Variants in ARHGAP21 observed in about 807,000 individuals in gnomAD.
The protein encoded by ARHGAP21 is Rho GTPase activating protein 21.
Under a neutral mutation model 164.6 loss-of-function variants are expected in ARHGAP21, and 38 were observed. The ratio of observed to expected loss-of-function variants is 0.23; its 90% CI spans 0.18 to 0.30. The LOEUF is 0.30. Among genes scored for constraint, ARHGAP21 ranks in the 10% least tolerant of loss-of-function variants. The probability of loss-of-function intolerance (pLI) is 1.00; values close to 1 mark genes in which losing one functional copy is unlikely to be tolerated. For missense variants in ARHGAP21, 1,822 were observed against 2,370.7 expected, an observed-to-expected ratio of 0.77 and a Z score of 4.81; for synonymous variants, 766 against 857.9, an observed-to-expected ratio of 0.89 and a Z score of 1.87.
intron 2 of ARHGAP21, among the ~76,000 whole-genome samples, chr10:24,671,909 T>TTC (rs1840742925): frequency 7.0e-6 from 1 of 143,216 alleles, no homozygotes; most frequent in Non-Finnish European, 1.5e-5. Flanking sequence ...TTTTTTTTTT[T>TTC]TGTAGAGACA....
chr10:24,610,171 G>A lies in ARHGAP21; in HGVS notation c.2423-2268C>T, dbSNP rs528834124. 5.9e-5 allele frequency among the ~76,000 whole-genome samples: 9 copies of A among 152,304 alleles called. No homozygotes were observed. The South Asian group carries it at 1.9e-3, about 32-fold the overall frequency. On this transcript the variant is annotated intron_variant, in intron 9 of 25. Transcript: ENST00000396432. ...ACGGGTGGATCACCTGAGGTCAGGAGTTCGAGACCAGCCTGGCCAACATGG... is the reference window on the plus strand; with the variant it reads ...ACGGGTGGATCACCTGAGGTCAGGAATTCGAGACCAGCCTGGCCAACATGG...
chr10:24,711,612 C>T (rs1237425780), intron 2 of ARHGAP21, among the ~76,000 whole-genome samples: 1 of 152,084 alleles, frequency 6.6e-6, no homozygotes, highest in African/African-American at 2.4e-5. Flanking sequence ...TAAGTGCAGC[C>T]AGATAGCAAG....
chr10:24,620,413 A>G lies in ARHGAP21; in HGVS notation c.1482T>C (p.Arg494=). 1.2e-6 allele frequency: 2 copies of G among 1,612,116 alleles called. No individual in the cohort carries two copies. Residue 494 remains arginine, a synonymous_variant, in exon 9 of 26, where the codon CGT becomes CGC. Coordinates refer to ENST00000396432, the MANE Select transcript of ARHGAP21 (RefSeq NM_020824.4). ...PSVSFSNHRT[R]SWDYIEGQDE... is the part of the protein sequence containing the mutation. Reference sequence around the variant, plus strand: ...CCTGTCCCTCAATATAATCCCATGAACGAGTTCTATGATTACTAAAACTAA... The same window carrying G: ...CCTGTCCCTCAATATAATCCCATGAGCGAGTTCTATGATTACTAAAACTAA...
At chr10:24,600,954 TA>T in intron 13 of ARHGAP21, 24 bp from the exon 14 acceptor site, 1 of 1,599,348 alleles carries the variant, frequency 6.3e-7, no homozygotes, top group Non-Finnish European at 8.5e-7. Flanking sequence ...GACAGTTCTT[TA>T]ATAGTCAATA....
At position 24,619,555 on chromosome 10, in the gene ARHGAP21, C is replaced by T. The variant is rs376207627; in HGVS notation, c.2340G>A (p.Glu780=). The change falls in exon 9 of 26, where the codon GAG becomes GAA. Residue 780 remains glutamate (E), a synonymous_variant. Transcript: ENST00000396432. ...TCWLPNDARR[E]VHIKRMEERK... ...TTTCCTCCATTCTTTTTATGTGGACCTCTCGACGTGCATCATTGGGCAGCC... is the reference window on the plus strand; with the variant it reads ...TTTCCTCCATTCTTTTTATGTGGACTTCTCGACGTGCATCATTGGGCAGCC... 67 of 1,613,974 alleles carry T rather than the reference C, an allele frequency of 4.2e-5. No homozygotes were observed. The highest frequency in any genetic ancestry group is 5.3e-5 in the Non-Finnish European group (63 of 1,180,036).
At chr10:24,604,914 A>T (rs942799889) in intron 11 of ARHGAP21, among the ~76,000 whole-genome samples, 2 of 152,236 alleles carry the variant, frequency 1.3e-5, no homozygotes, top group Non-Finnish European at 2.9e-5. Context: ...TTAGAGCTTC[A>T]GGAGACAGGT....
At chr10:24,645,749 T>A (rs139387579) in intron 4 of ARHGAP21, among the ~76,000 whole-genome samples, 2 of 152,206 alleles carry the variant, frequency 1.3e-5, no homozygotes, top group African/African-American at 4.8e-5. Context: ...TGCCAGGAAC[T>A]GTTCTGGGCT....
chr10:24,658,467 G>A (rs979147362), intron 4 of ARHGAP21, among the ~76,000 whole-genome samples: 24 of 152,146 alleles, frequency 1.6e-4, no homozygotes, highest in African/African-American at 5.6e-4. Context: ...AAGAAAATGT[G>A]GCACATGTAC....
chr10:24,639,295 C>A (rs1288466595), intron 4 of ARHGAP21, among the ~76,000 whole-genome samples: 1 of 152,030 alleles, frequency 6.6e-6, no homozygotes, highest in Non-Finnish European at 1.5e-5. Flanking sequence ...AACCCTATAT[C>A]CAAGTGATTT....
chr10:24,655,946 C>G (rs1838805094), intron 4 of ARHGAP21, among the ~76,000 whole-genome samples: 1 of 115,294 alleles, frequency 8.7e-6, no homozygotes, highest in Admixed American at 7.9e-5. Flanking sequence ...CCCGGCCACC[C>G]CGTCTGAGAA....
At chr10:24,693,338 C>CT (rs1298784170) in intron 2 of ARHGAP21, among the ~76,000 whole-genome samples, 2,391 of 146,158 alleles carry the variant, frequency 0.016, 44 homozygotes, top group African/African-American at 0.053. Context: ...AAATCTAAAA[C>CT]TTTTTTTTTT....
chr10:24,701,995 T>C (rs1843711258), intron 2 of ARHGAP21, among the ~76,000 whole-genome samples: 1 of 152,182 alleles, frequency 6.6e-6, no homozygotes, highest in African/African-American at 2.4e-5. Context: ...GCCATATATA[T>C]GAAACCTTAA....
At chr10:24,607,030 G>T (rs1055522165) in intron 11 of ARHGAP21, among the ~76,000 whole-genome samples, 1 of 152,044 alleles carries the variant, frequency 6.6e-6, no homozygotes, top group African/African-American at 2.4e-5. Context: ...GTATATTATG[G>T]TATAAACTAT....
chr10:24,677,323 T>G (rs570553521), intron 2 of ARHGAP21, among the ~76,000 whole-genome samples: 2 of 152,288 alleles, frequency 1.3e-5, no homozygotes, highest in East Asian at 1.9e-4. Flanking sequence ...CTCACAACAC[T>G]TTAACATACT....
At chr10:24,612,056 C>T (rs1483542662) in intron 9 of ARHGAP21, among the ~76,000 whole-genome samples, 1 of 152,048 alleles carries the variant, frequency 6.6e-6, no homozygotes, top group East Asian at 1.9e-4. Flanking sequence ...TCACAGCTGA[C>T]CATAATTACA....
In ARHGAP21 at chr10:24,715,733, C is replaced by T. The variant is rs142745405; in HGVS notation, c.63+6104G>A. Among the ~76,000 whole-genome samples the T allele has an allele frequency of 1.5e-3, 230 of 152,266 alleles. 5 individuals carry two copies. The East Asian group carries it at 0.038, about 25-fold the overall frequency. ...AAACTAAAATAAGTATTCAGCTGGG[C>T]GCAGTGGCTCACACCTGTAATTCCA... On this transcript the variant is annotated intron_variant, in intron 2 of 25. Transcript: ENST00000396432.
chr10:24,688,170 C>T (rs1842392410), intron 2 of ARHGAP21, among the ~76,000 whole-genome samples: 1 of 152,178 alleles, frequency 6.6e-6, no homozygotes, highest in Non-Finnish European at 1.5e-5. Flanking sequence ...GCGGGTGGAT[C>T]ACCTGAGGTC....
At chr10:24,604,656 T>C (rs2076951475) in intron 11 of ARHGAP21, among the ~76,000 whole-genome samples, 1 of 152,190 alleles carries the variant, frequency 6.6e-6, no homozygotes. Flanking sequence ...TGTTATTAGT[T>C]AACTGTAGCT....
At chr10:24,596,391 G>T in intron 17 of ARHGAP21, 1 of 453,942 alleles carries the variant, frequency 2.2e-6, no homozygotes, top group Non-Finnish European at 3.8e-6. Flanking sequence ...TCCTAGCATG[G>T]GTGTTTTAAA....
Sources: gnomAD v4.1 joint callset for allele counts (sites outside exome capture counted in the v4.1 genomes callset) on GRCh38, gnomAD v4.1.1 for gene constraint, MANE v1.5 for transcripts, NCBI Gene and HGNC (gene_info 2026-07-23, HGNC 2026-07-21) for gene names.